Variants in CADPS observed in about 807,000 individuals in gnomAD.
The protein encoded by CADPS is calcium dependent secretion activator, also known as calcium-dependent secretion activator 1.
CADPS carries 57 observed loss-of-function variants against 167.3 expected under a neutral mutation model. The ratio of observed to expected loss-of-function variants is 0.34; its 90% CI spans 0.28 to 0.42. The LOEUF is 0.42. Ranked by LOEUF, CADPS falls within the 20% of genes least tolerant of loss-of-function variation. The probability of loss-of-function intolerance (pLI) is 1.00; values close to 1 mark genes in which losing one functional copy is unlikely to be tolerated. For missense variants in CADPS, 1,414 were observed against 1,738.1 expected (o/e 0.81, Z 3.32); for synonymous variants, 676 against 635.3 (o/e 1.06, Z -0.96).
rs966213423 is a variant in CADPS at position 62,572,882 on chromosome 3, C to CT, written c.1578-1945dup. On this transcript the variant is annotated intron_variant, in intron 8 of 29. Transcript: ENST00000383710. ...TAACCTAAGCACATCCTCACATATA[C>CT]TTTTTTTTTCTTTCTTTGAGATGGA... 9.2e-5 allele frequency among the ~76,000 whole-genome samples: 14 copies of CT among 151,622 alleles called. No individual in the cohort carries two copies. In the East Asian group the frequency reaches 1.2e-3, roughly 13 times the overall value.
chr3:62,676,784 TTC>T (rs1442519527), intron 3 of CADPS, among the ~76,000 whole-genome samples: 3 of 152,150 alleles, frequency 2.0e-5, no homozygotes, highest in African/African-American at 4.8e-5. Flanking sequence ...GCTTAATAGA[TTC>T]TGTCTCTACA....
At chr3:62,755,649 A>C (rs1172237264) in intron 2 of CADPS, among the ~76,000 whole-genome samples, 2 of 152,148 alleles carry the variant, frequency 1.3e-5, no homozygotes, top group African/African-American at 4.8e-5. Flanking sequence ...ACTTTAATGA[A>C]CTAATTTAGA....
At chr3:62,409,414 G>A (rs772606640) in intron 28 of CADPS, among the ~76,000 whole-genome samples, 5 of 152,206 alleles carry the variant, frequency 3.3e-5, no homozygotes, top group South Asian at 4.1e-4. Flanking sequence ...GCTTGGTGTC[G>A]GAAAGATTCT....
intron 1 of CADPS, among the ~76,000 whole-genome samples, chr3:62,810,389 T>C (rs1489624043): frequency 1.3e-5 from 2 of 152,192 alleles, no homozygotes; most frequent in Non-Finnish European, 2.9e-5. Flanking sequence ...GTAGTGGTCA[T>C]ATATTATTAT....
chr3:62,803,634 G>C (rs2152820872), intron 1 of CADPS, among the ~76,000 whole-genome samples: 1 of 152,212 alleles, frequency 6.6e-6, no homozygotes, highest in South Asian at 2.1e-4. Flanking sequence ...ATCTGTAAAA[G>C]TGGGTATAAC....
At position 62,491,450 on chromosome 3, in the gene CADPS, T is replaced by A; in HGVS notation, c.2915A>T (p.His972Leu). The A allele has an allele frequency of 1.2e-6, 2 of 1,614,028 alleles. No individual in the cohort carries two copies. The highest frequency in any genetic ancestry group is 1.7e-6 in the Non-Finnish European group (2 of 1,179,976). The change falls in exon 21 of 30, where the codon CAC becomes CTC. Residue 972 changes from histidine (H) to leucine (L), a missense_variant. Coordinates refer to ENST00000383710, the MANE Select transcript of CADPS (RefSeq NM_003716.4). ...YNLCNGKFHK[H>L]LQDLFAPLVV... ...AAGTGGGGCAAACAGGTCTTGCAGG[T>A]GTTTGTGAAATTTTCCATTGCACAA...
At chr3:62,581,375 A>C (rs1309175617) in intron 8 of CADPS, among the ~76,000 whole-genome samples, 1 of 152,078 alleles carries the variant, frequency 6.6e-6, no homozygotes, top group Non-Finnish European at 1.5e-5. Context: ...ACAAGAAAAA[A>C]ATAAATTTTA....
chr3:62,758,579 A>G lies in CADPS; in HGVS notation c.556-4806T>C, dbSNP rs145613382. Among the ~76,000 whole-genome samples the G allele has an allele frequency of 3.4e-3, 519 of 152,198 alleles. 2 individuals carry two copies. Among genetic ancestry groups the G allele is most frequent in the African/African-American group, 3.7e-3 (152 of 41,516 alleles). On this transcript the variant is annotated intron_variant, in intron 2 of 29. Transcript: ENST00000383710. ...TCTCTAAAACAACTATTCAAACTCA[A>G]TTGTGCTGGGAGCTCTGTCTGTATT...
Position 62,399,243 on chromosome 3 carries a change from T to A in CADPS, c.*163A>T. The A allele has an allele frequency of 1.6e-6, 1 of 612,100 alleles. No homozygotes were observed. The highest frequency in any genetic ancestry group is 2.9e-6 in the Non-Finnish European group (1 of 348,306). The allele number at this position is 612,100 out of a possible 1,614,324, so 37.9% of individuals were successfully genotyped here. A position where few individuals can be genotyped will look rare whatever the true frequency, so the allele number is the denominator to read the frequency against. Reference sequence around the variant, plus strand: ...ATCAGGAAATCAGTGGATATGAAGGTCATTTGCTAATCTTGGTACCACATA... The same window carrying A: ...ATCAGGAAATCAGTGGATATGAAGGACATTTGCTAATCTTGGTACCACATA... On this transcript the variant is annotated 3_prime_UTR_variant, in exon 30 of 30. Transcript: ENST00000383710. This position sits in a 1 kb window ranked among gnomAD's most constrained non-coding sequence, Gnocchi z 5.6.
intron 28 of CADPS, among the ~76,000 whole-genome samples, chr3:62,417,213 G>C (rs2050234505): frequency 6.7e-6 from 1 of 150,028 alleles, no homozygotes; most frequent in South Asian, 2.1e-4. Context: ...CTGTAGTAGA[G>C]AAGTCCGTTT....
At chr3:62,805,988 C>A (rs1252182858) in intron 1 of CADPS, among the ~76,000 whole-genome samples, 1 of 152,120 alleles carries the variant, frequency 6.6e-6, no homozygotes, top group Non-Finnish European at 1.5e-5. Flanking sequence ...TGTTGCTAGC[C>A]CTAGGGTGTT....
intron 17 of CADPS, among the ~76,000 whole-genome samples, chr3:62,503,219 A>T (rs2066062596): frequency 6.6e-6 from 1 of 152,244 alleles, no homozygotes; most frequent in African/African-American, 2.4e-5. Flanking sequence ...TTTTTTACAG[A>T]TGACCAGAAA....
At chr3:62,769,185 A>G (rs147929183) in intron 1 of CADPS, among the ~76,000 whole-genome samples, 1 of 152,172 alleles carries the variant, frequency 6.6e-6, no homozygotes, top group African/African-American at 2.4e-5. Flanking sequence ...CACAGGATGA[A>G]TGCTCAATAC....
In CADPS at chr3:62,399,409, A is replaced by G; in HGVS notation, c.4059T>C (p.Asp1353=). The G allele has an allele frequency of 1.2e-6, 2 of 1,614,134 alleles. No individual in the cohort carries two copies. Among genetic ancestry groups the G allele is most frequent in the Non-Finnish European group, 8.5e-7 (1 of 1,179,968 alleles). The change falls in exon 30 of 30, where the codon GAT becomes GAC. Residue 1353 remains aspartate (D), a synonymous_variant. Coordinates refer to ENST00000383710, the MANE Select transcript of CADPS (RefSeq NM_003716.4). This position sits in a 1 kb window ranked among gnomAD's most constrained non-coding sequence, Gnocchi z 5.6. ...GCAGACTCTAGGACCAAATGGTCTA[A>G]TCGTCTTCTTCGTCTTCCTCATCGC... The part of the protein sequence containing the change: ...KDSDEEDEED[D]
chr3:62,712,208 A>T (rs975025636), intron 3 of CADPS, among the ~76,000 whole-genome samples: 2 of 152,200 alleles, frequency 1.3e-5, no homozygotes, highest in African/African-American at 4.8e-5. Context: ...TTCTTTAAAG[A>T]AGACTACTAG....
At chr3:62,522,339 A>T (rs1195923359) in intron 13 of CADPS, among the ~76,000 whole-genome samples, 1 of 152,006 alleles carries the variant, frequency 6.6e-6, no homozygotes, top group African/African-American at 2.4e-5. Flanking sequence ...AGGTCTCATT[A>T]TGTTGCCCAG....
chr3:62,498,702 C>T (rs920302768), intron 18 of CADPS, among the ~76,000 whole-genome samples: 6 of 149,956 alleles, frequency 4.0e-5, no homozygotes, highest in Admixed American at 1.3e-4. Context: ...ACAACCCAGG[C>T]AATCTAAGAT....
At chr3:62,480,969 T>G (rs994193959) in intron 22 of CADPS, among the ~76,000 whole-genome samples, 7 of 152,210 alleles carry the variant, frequency 4.6e-5, no homozygotes, top group African/African-American at 1.7e-4. Context: ...TTTCAAGAAG[T>G]GGCCCATGCA....
chr3:62,615,275 T>C (rs2062079412), intron 6 of CADPS, among the ~76,000 whole-genome samples: 1 of 152,156 alleles, frequency 6.6e-6, no homozygotes, highest in Non-Finnish European at 1.5e-5. Context: ...CCACCTTCTC[T>C]AATTTGTAGC....
Sources: gnomAD v4.1 joint callset for allele counts (sites outside exome capture counted in the v4.1 genomes callset) on GRCh38, gnomAD v4.1.1 for gene constraint, Gnocchi (gnomAD v3.1) non-coding constraint, MANE v1.5 for transcripts, NCBI Gene and HGNC (gene_info 2026-07-23, HGNC 2026-07-21) for gene names.